Variants in WWC2 observed in about 807,000 individuals in gnomAD.
WWC2 encodes the protein protein WWC2.
A neutral mutation model predicts 138.5 loss-of-function variants in WWC2; 101 were observed. The ratio of observed to expected loss-of-function variants is 0.73; its 90% CI spans 0.62 to 0.86. The LOEUF is 0.86. Among genes scored for constraint, WWC2 ranks in the 40% least tolerant of loss-of-function variants. The pLI is 0.00. For synonymous variants in WWC2, 558 were observed against 538.4 expected (o/e 1.04, Z -0.50); for missense variants, 1,420 against 1,419.4 (o/e 1.00, Z -0.01).
intron 1 of WWC2, among the ~76,000 whole-genome samples, chr4:183,150,841 A>G (rs1323658623): frequency 6.6e-6 from 1 of 152,170 alleles, no homozygotes; most frequent in African/African-American, 2.4e-5. Flanking sequence ...TTCCAGCTTC[A>G]TCCGTGTCGC....
intron 1 of WWC2, among the ~76,000 whole-genome samples, chr4:183,103,638 CTTTT>C (rs576659490): frequency 2.4e-3 from 285 of 120,276 alleles, no homozygotes; most frequent in Middle Eastern, 0.011. Flanking sequence ...TTGTGTTTCT[CTTTT>C]TTTTTTTTTT....
intron 1 of WWC2, among the ~76,000 whole-genome samples, chr4:183,183,680 A>G (rs530657988): frequency 3.7e-4 from 57 of 152,006 alleles, no homozygotes; most frequent in African/African-American, 1.4e-3. Context: ...TGGGAGGCTG[A>G]GGTGTTAGAA....
At chr4:183,254,935 T>C (rs1429224532) in intron 9 of WWC2, among the ~76,000 whole-genome samples, 1 of 152,174 alleles carries the variant, frequency 6.6e-6, no homozygotes, top group African/African-American at 2.4e-5. Flanking sequence ...TAGGGTTGCA[T>C]GGCTACATAA....
chr4:183,133,442 TTA>T (rs1182870437), intron 1 of WWC2, among the ~76,000 whole-genome samples: 1 of 152,176 alleles, frequency 6.6e-6, no homozygotes, highest in East Asian at 1.9e-4. Context: ...TTTTTTTGTT[TTA>T]TATCTATGTT....
chr4:183,252,279 C>T (rs1403194292), intron 8 of WWC2, among the ~76,000 whole-genome samples: 1 of 152,124 alleles, frequency 6.6e-6, no homozygotes, highest in East Asian at 1.9e-4. Context: ...AGTAATCATC[C>T]AACGTTTTTC....
intron 1 of WWC2, among the ~76,000 whole-genome samples, chr4:183,123,847 A>G (rs188746156): frequency 5.1e-4 from 77 of 152,196 alleles, no homozygotes; most frequent in African/African-American, 1.8e-3. Context: ...GCTGGATTCT[A>G]TTTGTTAATT....
chr4:183,288,948 G>A (rs1738342978), intron 20 of WWC2, among the ~76,000 whole-genome samples: 1 of 152,200 alleles, frequency 6.6e-6, no homozygotes, highest in Non-Finnish European at 1.5e-5. Context: ...ATTACACTAG[G>A]CGGGCTTCAT....
Position 183,319,178 on chromosome 4 carries a change from T to G in WWC2, c.*3449T>G. The G allele has an allele frequency of 5.9e-6, 1 of 170,750 alleles. No individual in the cohort carries two copies. Among genetic ancestry groups the G allele is most frequent in the South Asian group, 1.4e-4 (1 of 7,044 alleles). The allele number at this position is 170,750 out of a possible 1,614,324, so 10.6% of individuals were successfully genotyped here. A position where few individuals can be genotyped will look rare whatever the true frequency, so the allele number is the denominator to read the frequency against. ...ATAAATATGCAACAAGACCTCAGGC[T>G]TATTATACTAGGTTATCTTAAACAC... On this transcript the variant is annotated 3_prime_UTR_variant, in exon 23 of 23. Transcript: ENST00000403733.
In WWC2 at chr4:183,224,257, A is replaced by G. The variant is rs1366869237; in HGVS notation, c.522+15232A>G. ...ACATTCACCATGGGTTGTGCTGTATATATCCATCATGAAGTGCATGTCTCT... is the reference window on the plus strand; with the variant it reads ...ACATTCACCATGGGTTGTGCTGTATGTATCCATCATGAAGTGCATGTCTCT... On this transcript the variant is annotated intron_variant, in intron 4 of 22. Transcript: ENST00000403733. 2.0e-5 allele frequency among the ~76,000 whole-genome samples: 3 copies of G among 152,192 alleles called. No individual in the cohort carries two copies. In the East Asian group the frequency reaches 5.8e-4, roughly 29 times the overall value.
Position 183,319,341 on chromosome 4 carries a change from G to A in WWC2, c.*3612G>A. 3.8e-6 allele frequency: 2 copies of A among 522,936 alleles called. No individual in the cohort carries two copies. Among genetic ancestry groups the A allele is most frequent in the Non-Finnish European group, 6.7e-6 (2 of 300,358 alleles). The allele number at this position is 522,936 out of a possible 1,614,324, so 32.4% of individuals were successfully genotyped here. On this transcript the variant is annotated 3_prime_UTR_variant, in exon 23 of 23. Coordinates refer to ENST00000403733, the MANE Select transcript of WWC2 (RefSeq NM_024949.6). ...ATTGAGAAAACTCATCCACAGTAATGGGTGTCATTACTATTCAGTCTTGAT... is the reference window on the plus strand; with the variant it reads ...ATTGAGAAAACTCATCCACAGTAATAGGTGTCATTACTATTCAGTCTTGAT...
At position 183,250,114 on chromosome 4, in the gene WWC2, G is replaced by A. The variant is rs149059347; in HGVS notation, c.953+121G>A. 4,957 of 857,980 alleles carry A rather than the reference G, an allele frequency of 5.8e-3. 33 individuals are homozygous for A. The highest frequency in any genetic ancestry group is 0.013 in the South Asian group (689 of 52,768). The allele number at this position is 857,980 out of a possible 1,614,324, so 53.1% of individuals were successfully genotyped here. A position where few individuals can be genotyped will look rare whatever the true frequency, so the allele number is the denominator to read the frequency against. ...TACATTCTTACCAAGGCCACCCTTCGGTTTTAGCATGTCAGGGCTGCTTCC... is the reference window on the plus strand; with the variant it reads ...TACATTCTTACCAAGGCCACCCTTCAGTTTTAGCATGTCAGGGCTGCTTCC... On this transcript the variant is annotated intron_variant, in intron 8 of 22. Coordinates refer to ENST00000403733, the MANE Select transcript of WWC2 (RefSeq NM_024949.6).
chr4:183,269,245 C>A, intron 15 of WWC2, 82 bp downstream of exon 15: 1 of 1,416,750 alleles, frequency 7.1e-7, no homozygotes, highest in Admixed American at 2.3e-5. Context: ...GCTATTTTGC[C>A]AGCCCTAGAA....
rs548668489 is a variant in WWC2 at position 183,100,025 on chromosome 4, C to T, written c.131+403C>T. Among the ~76,000 whole-genome samples the T allele has an allele frequency of 1.2e-4, 19 of 152,350 alleles. No individual in the cohort carries two copies. In the East Asian group the frequency reaches 2.9e-3, roughly 23 times the overall value. ...CCTCACTGCCAGTTGGGGAACGAGC[C>T]CTCCGGGCCACCTGTGGCATCCCTC... On this transcript the variant is annotated intron_variant, in intron 1 of 22. Coordinates refer to ENST00000403733, the MANE Select transcript of WWC2 (RefSeq NM_024949.6).
intron 1 of WWC2, among the ~76,000 whole-genome samples, chr4:183,116,304 A>G (rs1178470100): frequency 6.6e-6 from 1 of 152,214 alleles, no homozygotes. Context: ...AGCCCTTCAC[A>G]TATTTATCTC....
At chr4:183,283,510 GAA>G (rs978843856) in intron 18 of WWC2, among the ~76,000 whole-genome samples, 3 of 152,166 alleles carry the variant, frequency 2.0e-5, no homozygotes, top group Non-Finnish European at 4.4e-5. Flanking sequence ...GTATTCCTGA[GAA>G]AATAATATTA....
intron 15 of WWC2, 35 bp downstream of exon 15, chr4:183,269,198 A>C: frequency 2.0e-6 from 3 of 1,501,352 alleles, no homozygotes; most frequent in South Asian, 1.2e-5. Context: ...ACCAAATAGC[A>C]CTTAGATTGG....
At chr4:183,181,624 TAC>T (rs34281095) in intron 1 of WWC2, among the ~76,000 whole-genome samples, 7,896 of 152,304 alleles carry the variant, frequency 0.052, 273 homozygotes, top group Non-Finnish European at 0.082. Context: ...CAGTATATAA[TAC>T]AGTGTACAAA....
rs543812941 is a variant in WWC2, at chr4:183,230,131, A to G, written c.523-10052A>G. 1.6e-4 allele frequency among the ~76,000 whole-genome samples: 25 copies of G among 152,006 alleles called. No individual in the cohort carries two copies. In the South Asian group the frequency reaches 3.5e-3, roughly 21 times the overall value. ...CGTGAGCCACCACACCCAGCCTCCTATTGTTTTTTTAAGAGTGGCAGGGTC... is the reference window on the plus strand; with the variant it reads ...CGTGAGCCACCACACCCAGCCTCCTGTTGTTTTTTTAAGAGTGGCAGGGTC... On this transcript the variant is annotated intron_variant, in intron 4 of 22. Transcript: ENST00000403733.
In WWC2 at chr4:183,286,012, CTG is replaced by C; in HGVS notation, c.3096_3097del (p.Phe1033CysfsTer22). ...SDSSTLAKKS[L>X]FVRNSTERRS... ...CAGTTCAACCCTGGCTAAAAAATCA[CTG>C]TTTGTGAGAAACTCCACCGAACGCC... On this transcript the variant is annotated frameshift_variant, in exon 20 of 23. Transcript: ENST00000403733. LOFTEE classifies it high-confidence loss of function. The C allele has an allele frequency of 6.3e-7, 1 of 1,595,960 alleles. No individual in the cohort carries two copies. Among genetic ancestry groups the C allele is most frequent in the Non-Finnish European group, 8.5e-7 (1 of 1,170,186 alleles).
Sources: allele counts gnomAD v4.1 joint callset (sites outside exome capture counted in the v4.1 genomes callset), GRCh38; gene constraint gnomAD v4.1.1; transcripts MANE v1.5; gene names NCBI Gene and HGNC (gene_info 2026-07-23, HGNC 2026-07-21).